LAMA2: variants seen among roughly 807,000 people sequenced by gnomAD.
LAMA2 encodes the protein laminin subunit alpha-2.
A neutral mutation model predicts 364.8 loss-of-function variants in LAMA2; 269 were observed. The ratio of observed to expected loss-of-function variants is 0.74; its 90% CI spans 0.67 to 0.82. The LOEUF is 0.82. Ranked by LOEUF, LAMA2 falls within the 40% of genes least tolerant of loss-of-function variation. The pLI is 0.00. For missense variants in LAMA2, 3,807 were observed against 3,873.2 expected (o/e 0.98, Z 0.45); for synonymous variants, 1,379 against 1,370.6 (o/e 1.01, Z -0.14).
chr6:129,349,234 G>C, intron 30 of LAMA2, 64 bp from the exon 31 acceptor site: 1 of 1,251,236 alleles, frequency 8.0e-7, no homozygotes, highest in South Asian at 1.2e-5. Flanking sequence ...ATCATGGATA[G>C]GAATACTATT....
At chr6:129,303,890 C>T (rs1026888809) in intron 22 of LAMA2, among the ~76,000 whole-genome samples, 2 of 152,030 alleles carry the variant, frequency 1.3e-5, no homozygotes, top group African/African-American at 4.8e-5. Context: ...GCGTTGTCGT[C>T]GGGATGAGGT....
At chr6:129,402,566 T>A (rs1780042659) in intron 39 of LAMA2, 79 bp downstream of exon 39, 1 of 1,375,176 alleles carries the variant, frequency 7.3e-7, no homozygotes, top group African/African-American at 1.4e-5. Flanking sequence ...TAGTAGAGAA[T>A]CATTTTCAAA....
At chr6:129,011,461 C>A (rs1053409715) in intron 1 of LAMA2, among the ~76,000 whole-genome samples, 7 of 152,146 alleles carry the variant, frequency 4.6e-5, no homozygotes, top group African/African-American at 1.7e-4. Flanking sequence ...ATGCCCTTTG[C>A]ACATTTATCA....
At chr6:128,957,836 A>ATTTTTTTTTTTTTTTTTTTTTTTTTT in intron 1 of LAMA2, among the ~76,000 whole-genome samples, 1 of 51,264 alleles carries the variant, frequency 2.0e-5, no homozygotes, top group African/African-American at 7.9e-5. Flanking sequence ...TACTTCATGC[A>ATTTTTTTTTTTTTTTTTTTTTTTTTT]TTTTTTTTTT....
intron 1 of LAMA2, among the ~76,000 whole-genome samples, chr6:129,019,167 CT>C (rs1467070861): frequency 6.6e-6 from 1 of 152,074 alleles, no homozygotes; most frequent in African/African-American, 2.4e-5. Flanking sequence ...CCTCAAATGG[CT>C]TCTTAAGAAA....
chr6:129,477,884 A>G lies in LAMA2; in HGVS notation c.7452-809A>G, dbSNP rs1182516267. On this transcript the variant is annotated intron_variant, in intron 53 of 64. Transcript: ENST00000421865. ...CTGCAGCCTTGGCCTCCTGGGCTCAAAAGATCCTCTCTCCTCAGCATCTCC... is the reference window on the plus strand; with the variant it reads ...CTGCAGCCTTGGCCTCCTGGGCTCAGAAGATCCTCTCTCCTCAGCATCTCC... 2.6e-5 allele frequency among the ~76,000 whole-genome samples: 4 copies of G among 152,148 alleles called. No individual in the cohort carries two copies. In the East Asian group the frequency reaches 5.8e-4, roughly 22 times the overall value.
chr6:129,017,547 T>C (rs1435951930), intron 1 of LAMA2, among the ~76,000 whole-genome samples: 3 of 151,878 alleles, frequency 2.0e-5, no homozygotes, highest in Non-Finnish European at 2.9e-5. Flanking sequence ...TTATTGATCT[T>C]ACATATATAT....
At chr6:129,321,062 G>A (rs1336270773) in intron 28 of LAMA2, among the ~76,000 whole-genome samples, 3 of 152,102 alleles carry the variant, frequency 2.0e-5, no homozygotes, top group Non-Finnish European at 2.9e-5. Context: ...ATAGCAGGCT[G>A]TTCCCTTTAA....
chr6:129,497,482 G>T (rs991743318), intron 58 of LAMA2, among the ~76,000 whole-genome samples: 8 of 152,124 alleles, frequency 5.3e-5, no homozygotes, highest in African/African-American at 1.9e-4. Context: ...TGATCCACCT[G>T]CCTCAGCCTG....
chr6:129,466,771 G>A (rs1280541805), intron 51 of LAMA2, among the ~76,000 whole-genome samples: 2 of 151,888 alleles, frequency 1.3e-5, no homozygotes, highest in African/African-American at 4.8e-5. Context: ...ACGAATGAAT[G>A]TTGGCAGGAA....
chr6:128,946,613 C>T (rs1780501156), intron 1 of LAMA2, among the ~76,000 whole-genome samples: 1 of 152,146 alleles, frequency 6.6e-6, no homozygotes, highest in African/African-American at 2.4e-5. Flanking sequence ...CACCAAATAG[C>T]CCATTACTCA....
At chr6:129,306,631 C>A (rs187231282) in intron 22 of LAMA2, among the ~76,000 whole-genome samples, 1 of 151,602 alleles carries the variant, frequency 6.6e-6, no homozygotes, top group Non-Finnish European at 1.5e-5. Context: ...CCCCATCTCA[C>A]TGAGGTTCTT....
chr6:129,410,755 T>TA (rs1317987739), intron 40 of LAMA2, among the ~76,000 whole-genome samples: 1 of 141,086 alleles, frequency 7.1e-6, no homozygotes, highest in Non-Finnish European at 1.5e-5. Flanking sequence ...GATAGATAGA[T>TA]AATAGATTAG....
chr6:129,079,166 G>A (rs373418054), intron 3 of LAMA2, among the ~76,000 whole-genome samples: 25 of 152,102 alleles, frequency 1.6e-4, no homozygotes, highest in African/African-American at 5.8e-4. Context: ...GTTACTCATG[G>A]TAAACTGAAG....
At chr6:129,250,814 A>G (rs1786126383) in intron 13 of LAMA2, among the ~76,000 whole-genome samples, 1 of 152,010 alleles carries the variant, frequency 6.6e-6, no homozygotes, top group African/African-American at 2.4e-5. Flanking sequence ...CTTGACACTG[A>G]TACGTATTCA....
chr6:129,194,421 A>C (rs1031623056), intron 12 of LAMA2, among the ~76,000 whole-genome samples: 9 of 152,178 alleles, frequency 5.9e-5, no homozygotes, highest in Non-Finnish European at 1.3e-4. Context: ...AAGCAAGCAA[A>C]TGGAATATTC....
chr6:129,098,786 G>T (rs1388330567), intron 4 of LAMA2, among the ~76,000 whole-genome samples: 1 of 152,196 alleles, frequency 6.6e-6, no homozygotes, highest in Non-Finnish European at 1.5e-5. Flanking sequence ...GGAGACAAAA[G>T]AAATGAATTT....
chr6:129,014,312 C>G (rs1239531622), intron 1 of LAMA2, among the ~76,000 whole-genome samples: 1 of 152,174 alleles, frequency 6.6e-6, no homozygotes, highest in Non-Finnish European at 1.5e-5. Flanking sequence ...CCTGGAAAAG[C>G]TGGCAAAACC....
chr6:128,937,704 G>T (rs1386349819), intron 1 of LAMA2, among the ~76,000 whole-genome samples: 3 of 151,180 alleles, frequency 2.0e-5, no homozygotes, highest in Non-Finnish European at 4.4e-5. Context: ...TTGGCTGAAG[G>T]TTTGTCAATT....
Sources: allele counts gnomAD v4.1 joint callset (sites outside exome capture counted in the v4.1 genomes callset), GRCh38; gene constraint gnomAD v4.1.1; transcripts MANE v1.5; gene names NCBI Gene and HGNC (gene_info 2026-07-23, HGNC 2026-07-21).